Variants in TMEM106B observed in about 807,000 individuals in gnomAD.
TMEM106B encodes transmembrane protein 106B.
In TMEM106B, 15 loss-of-function variants were observed where a neutral mutation model predicts 31.1. That is an observed-to-expected ratio of 0.48 (90% CI 0.32 to 0.74). TMEM106B has a LOEUF of 0.74. TMEM106B is among the 30% of genes least tolerant of loss of function. The pLI is 0.03. For missense variants in TMEM106B, 283 were observed against 327.3 expected (o/e 0.86, Z 1.04); for synonymous variants, 126 against 112.5 (o/e 1.12, Z -0.76).
At position 12,237,196 on chromosome 7, in the gene TMEM106B, T is replaced by C. The variant is rs932329395; in HGVS notation, c.*5221T>C. The C allele has an allele frequency of 2.0e-5, 3 of 152,128 alleles. No homozygotes were observed. The highest frequency in any genetic ancestry group is 7.2e-5 in the African/African-American group (3 of 41,446). 9.4% of individuals were successfully genotyped at this position (152,128 alleles called of 1,614,324 possible). A position where few individuals can be genotyped will look rare whatever the true frequency, so the allele number is the denominator to read the frequency against. On this transcript the variant is annotated 3_prime_UTR_variant, in exon 8 of 8. Coordinates refer to ENST00000396668, the MANE Select transcript of TMEM106B (RefSeq NM_001134232.2). The stretch of plus-strand genomic sequence containing the variant: ...TCAGTTATAACTGTTACTCTTGTAG[T>C]TGTGTATGACGCAATAAAATTTGTA...
chr7:12,232,550 A>T lies in TMEM106B; in HGVS notation c.*575A>T, dbSNP rs1157379107. ...TTTTGTCACTTATTTCAGGTTAGTG[A>T]TTGCCTAACACTTATAAGCCAAAAT... is the stretch of plus-strand genomic sequence containing the variant. On this transcript the variant is annotated 3_prime_UTR_variant, in exon 8 of 8. Coordinates refer to ENST00000396668, the MANE Select transcript of TMEM106B (RefSeq NM_001134232.2). 1 of 152,310 alleles carries T rather than the reference A, an allele frequency of 6.6e-6. No homozygotes were observed. Among genetic ancestry groups the T allele is most frequent in the African/African-American group, 2.4e-5 (1 of 41,434 alleles). The allele number at this position is 152,310 out of a possible 1,614,324, so 9.4% of individuals were successfully genotyped here.
intron 3 of TMEM106B, among the ~76,000 whole-genome samples, chr7:12,223,529 C>G (rs987940736): frequency 2.2e-5 from 3 of 138,804 alleles, no homozygotes; most frequent in Non-Finnish European, 3.1e-5. Context: ...TGAGCAGTCA[C>G]TTTAGGGGAT....
In TMEM106B at chr7:12,238,441, C is replaced by T. The variant is rs563592449; in HGVS notation, c.*6466C>T. The T allele has an allele frequency of 6.6e-6, 1 of 152,228 alleles. No individual in the cohort carries two copies. The highest frequency in any genetic ancestry group is 2.1e-4 in the South Asian group (1 of 4,820). 9.4% of individuals were successfully genotyped at this position (152,228 alleles called of 1,614,324 possible). On this transcript the variant is annotated 3_prime_UTR_variant, in exon 8 of 8. Transcript: ENST00000396668. ...GTTGAAATCAATTTCTTTCAAACTC[C>T]TGTTAATGTTCATATTTAGACCTCT...
chr7:12,232,678 A>T lies in TMEM106B; in HGVS notation c.*703A>T, dbSNP rs746481427. ...TTGTGAAATCTTTGTGTGATCTTCA[A>T]ACATTATCATTTAATGTACAATACT... On this transcript the variant is annotated 3_prime_UTR_variant, in exon 8 of 8. Coordinates refer to ENST00000396668, the MANE Select transcript of TMEM106B (RefSeq NM_001134232.2). 6.6e-6 allele frequency: 1 copy of T among 152,326 alleles called. No individual in the cohort carries two copies. The highest frequency in any genetic ancestry group is 1.5e-5 in the Non-Finnish European group (1 of 67,802). The allele number at this position is 152,326 out of a possible 1,614,324, so 9.4% of individuals were successfully genotyped here. A position where few individuals can be genotyped will look rare whatever the true frequency, so the allele number is the denominator to read the frequency against.
chr7:12,223,680 T>C (rs1210214294), intron 3 of TMEM106B, among the ~76,000 whole-genome samples: 1 of 152,038 alleles, frequency 6.6e-6, no homozygotes, highest in Non-Finnish European at 1.5e-5. Flanking sequence ...AAATGTTCTA[T>C]TGTTTTTAAG....
At chr7:12,230,951 C>A in intron 6 of TMEM106B, 111 bp from the exon 7 acceptor site, 1 of 697,956 alleles carries the variant, frequency 1.4e-6, no homozygotes, top group Non-Finnish European at 2.3e-6. Context: ...TCTCAACCAA[C>A]AAATGCTTAT....
intron 4 of TMEM106B, among the ~76,000 whole-genome samples, chr7:12,226,709 G>A (rs569891409): frequency 4.8e-4 from 73 of 152,070 alleles, no homozygotes; most frequent in African/African-American, 1.6e-3. Flanking sequence ...AATGGATCCC[G>A]TGGATCCATT....
At chr7:12,222,084 T>C (rs564226379) in intron 3 of TMEM106B, among the ~76,000 whole-genome samples, 67 of 152,324 alleles carry the variant, frequency 4.4e-4, no homozygotes, top group South Asian at 1.9e-3. Context: ...CTGTATACTT[T>C]AGCTATGTCA....
chr7:12,212,443 C>A (rs1250849439), intron 1 of TMEM106B, among the ~76,000 whole-genome samples: 3 of 150,944 alleles, frequency 2.0e-5, no homozygotes, highest in Non-Finnish European at 4.4e-5. Context: ...TTTTAGAAGT[C>A]ATAAATCATT....
intron 4 of TMEM106B, among the ~76,000 whole-genome samples, chr7:12,228,731 T>C (rs1781954476): frequency 6.6e-6 from 1 of 152,056 alleles, no homozygotes; most frequent in Non-Finnish European, 1.5e-5. Context: ...GCTAGCAGTA[T>C]GAAAATATAC....
Position 12,233,544 on chromosome 7 carries a change from C to T in TMEM106B, c.*1569C>T, listed in dbSNP as rs913389716. The T allele has an allele frequency of 1.3e-5, 2 of 151,364 alleles. No homozygotes were observed. The highest frequency in any genetic ancestry group is 2.4e-5 in the African/African-American group (1 of 41,336). 9.4% of individuals were successfully genotyped at this position (151,364 alleles called of 1,614,324 possible). On this transcript the variant is annotated 3_prime_UTR_variant, in exon 8 of 8. Coordinates refer to ENST00000396668, the MANE Select transcript of TMEM106B (RefSeq NM_001134232.2). ...TTCTGCAAGTTTTCTTGAGTATCTT[C>T]AATTCGTTGAATGTGGTTTTTGGTT...
At position 12,214,987 on chromosome 7, in the gene TMEM106B, C is replaced by T. The variant is rs1479284374; in HGVS notation, c.177C>T (p.Val59=). 1.2e-6 allele frequency: 2 copies of T among 1,613,880 alleles called. No homozygotes were observed. Among genetic ancestry groups the T allele is most frequent in the Admixed American group, 1.7e-5 (1 of 60,004 alleles). ...PYVEFTGRDS[V]TCPTCQGTGR... ...TGGAATTTACAGGAAGAGATAGTGT[C>T]ACCTGCCCTACTTGTCAGGGAACAG... The change falls in exon 2 of 8, where the codon GTC becomes GTT. Residue 59 remains valine (V), a synonymous_variant. Coordinates refer to ENST00000396668, the MANE Select transcript of TMEM106B (RefSeq NM_001134232.2).
intron 2 of TMEM106B, among the ~76,000 whole-genome samples, chr7:12,217,084 T>C (rs73677511): frequency 0.1 from 15,944 of 152,052 alleles, 863 homozygotes; most frequent in South Asian, 0.16. Context: ...CTGATGAGAA[T>C]TATCTGTAGA....
intron 3 of TMEM106B, among the ~76,000 whole-genome samples, chr7:12,219,820 C>G (rs1219258120): frequency 1.3e-5 from 2 of 152,020 alleles, no homozygotes; most frequent in African/African-American, 4.8e-5. Context: ...GAGAAAATGT[C>G]TAAAAGTCAC....
Position 12,212,316 on chromosome 7 carries a change from T to G in TMEM106B, c.-3+891T>G, listed in dbSNP as rs77603507. 7.1e-3 allele frequency among the ~76,000 whole-genome samples: 1,085 copies of G among 152,274 alleles called. 23 individuals carry two copies. The highest frequency in any genetic ancestry group is 0.025 in the African/African-American group (1,054 of 41,560). On this transcript the variant is annotated intron_variant, in intron 1 of 7. Coordinates refer to ENST00000396668, the MANE Select transcript of TMEM106B (RefSeq NM_001134232.2). Reference sequence around the variant, plus strand: ...TTAAGGCCTTGCTGATAAGGCCCAATGATCCCAATTCATCTAGTGTTCCGC... The same window carrying G: ...TTAAGGCCTTGCTGATAAGGCCCAAGGATCCCAATTCATCTAGTGTTCCGC...
At chr7:12,218,123 CAG>C (rs1375539913) in intron 2 of TMEM106B, among the ~76,000 whole-genome samples, 4 of 152,038 alleles carry the variant, frequency 2.6e-5, no homozygotes, top group Non-Finnish European at 4.4e-5. Context: ...ACAACCAAAT[CAG>C]AGTCTTAATG....
chr7:12,211,596 T>A (rs1286926334), intron 1 of TMEM106B, 171 bp downstream of exon 1: 1 of 152,428 alleles, frequency 6.6e-6, no homozygotes, highest in Non-Finnish European at 1.5e-5. Flanking sequence ...TCGCCTCTAA[T>A]GAGGCCCAGC....
chr7:12,229,462 T>C (rs188294100), intron 4 of TMEM106B, among the ~76,000 whole-genome samples: 1 of 152,216 alleles, frequency 6.6e-6, no homozygotes, highest in Non-Finnish European at 1.5e-5. Flanking sequence ...CATTTTGTTT[T>C]TTTTAAATAC....
intron 5 of TMEM106B, 110 bp downstream of exon 5, chr7:12,229,929 T>A: frequency 8.1e-7 from 1 of 1,234,390 alleles, no homozygotes; most frequent in Non-Finnish European, 1.1e-6. Context: ...TTTAGAAATG[T>A]GTCTCTGCTG....
Sources: allele counts gnomAD v4.1 joint callset (sites outside exome capture counted in the v4.1 genomes callset), GRCh38; gene constraint gnomAD v4.1.1; transcripts MANE v1.5; gene names NCBI Gene and HGNC (gene_info 2026-07-23, HGNC 2026-07-21).